Variants in DACH1 observed in about 807,000 individuals in gnomAD.
DACH1 encodes dachshund family transcription factor 1.
Under a neutral mutation model 54.2 loss-of-function variants are expected in DACH1, and 12 were observed. The observed-to-expected ratio is 0.22, with a 90% confidence interval of 0.14 to 0.36. The LOEUF (loss-of-function observed/expected upper bound fraction) is 0.36. Ranked by LOEUF, DACH1 falls within the 10% of genes least tolerant of loss-of-function variation. The pLI is 1.00. For synonymous variants in DACH1, 386 were observed against 366.2 expected (o/e 1.05, Z -0.62); for missense variants, 805 against 929.8 (o/e 0.87, Z 1.75).
rs1433924377 is a variant in DACH1, at chr13:71,864,171, G to GCACATA, written c.848+1750_848+1751insTATGTG. ...CACCTGTCCATACTTTTGAGCGCGC[G>GCACATA]CGCGCACATACACACACACACACAC... is the stretch of plus-strand genomic sequence containing the variant. On this transcript the variant is annotated intron_variant, in intron 1 of 10. Coordinates refer to ENST00000613252, the MANE Select transcript of DACH1 (RefSeq NM_080759.6). 4.8e-4 allele frequency among the ~76,000 whole-genome samples: 56 copies of GCACATA among 115,578 alleles called. No individual in the cohort carries two copies. The Admixed American group carries it at 5.0e-3, about 10-fold the overall frequency. 75.8% of individuals were successfully genotyped at this position (115,578 alleles called of 152,430 possible). A position where few individuals can be genotyped will look rare whatever the true frequency, so the allele number is the denominator to read the frequency against.
At chr13:71,590,782 C>T (rs568422620) in intron 3 of DACH1, among the ~76,000 whole-genome samples, 1 of 151,842 alleles carries the variant, frequency 6.6e-6, no homozygotes, top group East Asian at 1.9e-4. Flanking sequence ...CTTCATTGTC[C>T]GCCTTCCTGA....
At chr13:71,751,290 T>C (rs971232404) in intron 1 of DACH1, among the ~76,000 whole-genome samples, 2 of 152,230 alleles carry the variant, frequency 1.3e-5, no homozygotes, top group Admixed American at 1.3e-4. Flanking sequence ...TGCTGTTTAC[T>C]ATAATAACAT....
At chr13:71,634,576 T>C (rs934638422) in intron 2 of DACH1, among the ~76,000 whole-genome samples, 2 of 152,194 alleles carry the variant, frequency 1.3e-5, no homozygotes, top group Non-Finnish European at 2.9e-5. Context: ...TTAAATATTA[T>C]GCGCTCAGAG....
intron 3 of DACH1, among the ~76,000 whole-genome samples, chr13:71,579,548 A>C (rs1183684697): frequency 6.6e-6 from 1 of 152,136 alleles, no homozygotes; most frequent in East Asian, 1.9e-4. Flanking sequence ...TATCCTGAGA[A>C]ACTGGATAAT....
At chr13:71,758,012 A>T (rs1594185232) in intron 1 of DACH1, among the ~76,000 whole-genome samples, 1 of 152,310 alleles carries the variant, frequency 6.6e-6, no homozygotes, top group Admixed American at 6.5e-5. Flanking sequence ...ATTAAAAGAA[A>T]AATGATGAAT....
intron 1 of DACH1, among the ~76,000 whole-genome samples, chr13:71,830,758 G>A (rs1322632426): frequency 6.6e-6 from 1 of 151,810 alleles, no homozygotes; most frequent in Non-Finnish European, 1.5e-5. Context: ...TCTATCTTAT[G>A]CCTAATAAAA....
chr13:71,833,055 T>C (rs568346508), intron 1 of DACH1, among the ~76,000 whole-genome samples: 1 of 152,064 alleles, frequency 6.6e-6, no homozygotes, highest in Admixed American at 6.6e-5. Flanking sequence ...CCCTTCAGAA[T>C]CTTCTGAGAT....
intron 6 of DACH1, among the ~76,000 whole-genome samples, chr13:71,491,399 T>C (rs1366471500): frequency 6.6e-6 from 1 of 152,180 alleles, no homozygotes; most frequent in South Asian, 2.1e-4. Flanking sequence ...TGTGCGTGCA[T>C]GCCTGTAAGC....
At chr13:71,800,781 C>T (rs928315697) in intron 1 of DACH1, among the ~76,000 whole-genome samples, 4 of 151,932 alleles carry the variant, frequency 2.6e-5, no homozygotes, top group Non-Finnish European at 4.4e-5. Flanking sequence ...TAATAGGATT[C>T]AGCGGCTAAT....
At chr13:71,677,661 T>C (rs1168797951) in intron 2 of DACH1, among the ~76,000 whole-genome samples, 2 of 152,198 alleles carry the variant, frequency 1.3e-5, no homozygotes, top group Non-Finnish European at 2.9e-5. Flanking sequence ...TGTTCAATTC[T>C]TGAAAAGAAA....
rs1159412674 is a variant in DACH1 at position 71,486,940 on chromosome 13, G to C, written c.1722+2057C>G. Among the ~76,000 whole-genome samples, 3 of 151,916 alleles carry C rather than the reference G, an allele frequency of 2.0e-5. No individual in the cohort carries two copies. The East Asian group carries it at 5.8e-4, about 29-fold the overall frequency. ...GCTCACTGCAACCTCCACCTCCCAG[G>C]TTCCAGCAATTCTCCTGCCTCAACC... On this transcript the variant is annotated intron_variant, in intron 7 of 10. Transcript: ENST00000613252.
At chr13:71,775,762 G>T (rs943007587) in intron 1 of DACH1, among the ~76,000 whole-genome samples, 3 of 152,000 alleles carry the variant, frequency 2.0e-5, no homozygotes, top group African/African-American at 7.2e-5. Context: ...TTTTGTTATT[G>T]CCAGTAAACA....
At chr13:71,851,612 C>A (rs575556519) in intron 1 of DACH1, among the ~76,000 whole-genome samples, 1 of 152,098 alleles carries the variant, frequency 6.6e-6, no homozygotes, top group Non-Finnish European at 1.5e-5. Context: ...ACTTGTGAAC[C>A]ACAAAGCCCC....
chr13:71,603,327 C>A (rs994296195), intron 3 of DACH1, among the ~76,000 whole-genome samples: 4 of 151,918 alleles, frequency 2.6e-5, no homozygotes, highest in Non-Finnish European at 5.9e-5. Context: ...TCGCAACTAT[C>A]CTAGTTTAAA....
intron 4 of DACH1, among the ~76,000 whole-genome samples, chr13:71,561,719 T>C (rs1884595821): frequency 6.6e-6 from 1 of 152,132 alleles, no homozygotes; most frequent in Admixed American, 6.6e-5. Flanking sequence ...GGACCCAGAC[T>C]TCGGTATCTT....
Position 71,477,535 on chromosome 13 carries a change from C to T in DACH1, c.1870+1634G>A, listed in dbSNP as rs143134415. ...AATGTACACTGGCTATGGTGTTATA[C>T]GAAAAGAAATTGAAACTGATTTTAA... On this transcript the variant is annotated intron_variant, in intron 8 of 10. Coordinates refer to ENST00000613252, the MANE Select transcript of DACH1 (RefSeq NM_080759.6). Among the ~76,000 whole-genome samples the T allele has an allele frequency of 1.0e-3, 159 of 152,088 alleles. 1 individual carries two copies. The highest frequency in any genetic ancestry group is 7.2e-3 in the East Asian group (37 of 5,170).
rs141013029 is a variant in DACH1, at chr13:71,598,545, G to A, written c.1127-25533C>T. On this transcript the variant is annotated intron_variant, in intron 3 of 10. Transcript: ENST00000613252. ...TGGGATTACAGGCGTGAGCCACTGC[G>A]CCCGGCCTGACGCTTATTTTTTGAT... Among the ~76,000 whole-genome samples, 462 of 152,174 alleles carry A rather than the reference G, an allele frequency of 3.0e-3. 3 individuals carry two copies. Among genetic ancestry groups the A allele is most frequent in the South Asian group, 9.6e-3 (46 of 4,812 alleles).
intron 1 of DACH1, among the ~76,000 whole-genome samples, chr13:71,788,331 T>C (rs1886690920): frequency 6.6e-6 from 1 of 152,180 alleles, no homozygotes; most frequent in Non-Finnish European, 1.5e-5. Flanking sequence ...TCAGTTAGTC[T>C]ATAAAGACTC....
In DACH1 at chr13:71,475,801, A is replaced by C. The variant is rs772243631; in HGVS notation, c.1919T>G (p.Leu640Trp). Residue 640 changes from leucine (L) to tryptophan (W), a missense_variant, in exon 9 of 11, where the codon TTG (leucine) becomes TGG (tryptophan). Transcript: ENST00000613252. Reference sequence around the variant, plus strand: ...CGTCTCAAACTCAAGTGCTTCCTGCAATTTTCTCTTTGCCTTCTTCTCCTT... The same window carrying C: ...CGTCTCAAACTCAAGTGCTTCCTGCCATTTTCTCTTTGCCTTCTTCTCCTT... ...LKKEKKAKRKLQEALEFETKR... is the reference protein window; with the variant it reads ...LKKEKKAKRKWQEALEFETKR... 8 of 1,613,390 alleles carry C rather than the reference A, an allele frequency of 5.0e-6. No individual in the cohort carries two copies. Among genetic ancestry groups the C allele is most frequent in the Non-Finnish European group, 6.8e-6 (8 of 1,179,814 alleles).
Sources: gnomAD v4.1 joint callset for allele counts (sites outside exome capture counted in the v4.1 genomes callset) on GRCh38, gnomAD v4.1.1 for gene constraint, MANE v1.5 for transcripts, NCBI Gene and HGNC (gene_info 2026-07-23, HGNC 2026-07-21) for gene names.